Variants in STAG3 observed in about 807,000 individuals in gnomAD.
STAG3 encodes the protein STAG3 cohesin complex component, also known as cohesin subunit SA-3.
A neutral mutation model predicts 160.7 loss-of-function variants in STAG3; 101 were observed. The ratio of observed to expected loss-of-function variants is 0.63; its 90% confidence interval spans 0.54 to 0.74. The LOEUF (loss-of-function observed/expected upper bound fraction) is 0.74, where lower values mean the gene tolerates loss of function less well. Among genes scored for constraint, STAG3 ranks in the 30% least tolerant of loss-of-function variants. STAG3 has a pLI of 0.00. For synonymous variants in STAG3, 519 were observed against 585.0 expected, an observed-to-expected ratio of 0.89 and a Z score of 1.63; for missense variants, 1,188 against 1,517.4, an observed-to-expected ratio of 0.78 and a Z score of 3.61.
At chr7:100,192,722 C>A (rs1260266075) in intron 8 of STAG3, among the ~76,000 whole-genome samples, 1 of 152,176 alleles carries the variant, frequency 6.6e-6, no homozygotes, top group Non-Finnish European at 1.5e-5. Flanking sequence ...TTCCAAGTAT[C>A]TGGTACTACA....
At chr7:100,184,701 C>T (rs1297285312) in intron 4 of STAG3, among the ~76,000 whole-genome samples, 4 of 152,122 alleles carry the variant, frequency 2.6e-5, no homozygotes, top group African/African-American at 7.2e-5. Context: ...CTTTTGACCT[C>T]GTGATCCGCC....
In STAG3 at chr7:100,199,351, G is replaced by C. The variant is rs753652685; in HGVS notation, c.1557G>C (p.Leu519=). The C allele has an allele frequency of 8.1e-6, 13 of 1,613,940 alleles. No homozygotes were observed. The South Asian group carries it at 1.4e-4, about 18-fold the overall frequency. Residue 519 remains leucine, a synonymous_variant, in exon 15 of 34, where the codon CTG becomes CTC. Transcript: ENST00000615138. The part of the protein sequence containing the change: ...LKDWEGLTSL[L]LEKDQNLGDV... ...ACTGGGAGGGTCTGACAAGCCTGCT[G>C]CTGGAGAAGGACCAGAGTACGTGTC...
At chr7:100,184,830 T>C (rs1382304903) in intron 4 of STAG3, among the ~76,000 whole-genome samples, 1 of 152,064 alleles carries the variant, frequency 6.6e-6, no homozygotes, top group African/African-American at 2.4e-5. Flanking sequence ...AACATAGTCA[T>C]TTTATAATCT....
In STAG3 at chr7:100,211,077, T is replaced by TGCCCC; in HGVS notation, c.3305_3306insGCCCC (p.Ile1102MetfsTer14). 4.2e-5 allele frequency: 68 copies of TGCCCC among 1,600,468 alleles called. No individual in the cohort carries two copies. Among genetic ancestry groups the TGCCCC allele is most frequent in the Non-Finnish European group, 5.4e-5 (63 of 1,168,544 alleles). ...GAAGAAAGTCTGCAGCTGAACAGCA[T>TGCCCC]CCCGCCCACGCCCACCCTCACCTCC... On this transcript the variant is annotated frameshift_variant, in exon 30 of 34. Transcript: ENST00000615138. LOFTEE classifies it high-confidence loss of function.
rs1802186875 is a variant in STAG3 at position 100,211,374 on chromosome 7, G to A, written c.3414-61G>A. 3.2e-6 allele frequency: 5 copies of A among 1,569,276 alleles called. No homozygotes were observed. The African/African-American group carries it at 6.8e-5, about 21-fold the overall frequency. ...GCTTTTCTCCCCATTAACACCAGCTGCCTTACATCCTCTTCTTACCCTTGA... is the reference window on the plus strand; with the variant it reads ...GCTTTTCTCCCCATTAACACCAGCTACCTTACATCCTCTTCTTACCCTTGA... On this transcript the variant is annotated intron_variant, in intron 30 of 33. Transcript: ENST00000615138.
chr7:100,205,820 ACT>A (rs201221715), intron 29 of STAG3, among the ~76,000 whole-genome samples: 2,875 of 148,750 alleles, frequency 0.019, 88 homozygotes, highest in African/African-American at 0.064. Flanking sequence ...ACAGAGCGAG[ACT>A]CTGTCTCAAA....
At chr7:100,188,712 CAG>C (rs1800176343) in intron 6 of STAG3, 98 bp from the exon 7 acceptor site, 12 of 1,276,986 alleles carry the variant, frequency 9.4e-6, no homozygotes, top group East Asian at 4.7e-5. Flanking sequence ...TGAGGTATAA[CAG>C]ATATTTTTAC....
intron 8 of STAG3, among the ~76,000 whole-genome samples, chr7:100,193,078 A>C (rs1246899168): frequency 1.3e-5 from 2 of 152,236 alleles, no homozygotes; most frequent in East Asian, 3.8e-4. Context: ...GTACATCTTC[A>C]CCAGAGCTCT....
At chr7:100,216,616 T>G (rs1039506053), downstream of STAG3, among the ~76,000 whole-genome samples, 1 of 152,034 alleles carries the variant, frequency 6.6e-6, no homozygotes, top group Non-Finnish European at 1.5e-5. Context: ...CTGGCCAACA[T>G]GGTGAAACCC....
At chr7:100,213,500 C>T (rs946443065) in intron 32 of STAG3, 27 of 985,216 alleles carry the variant, frequency 2.7e-5, no homozygotes, top group Non-Finnish European at 3.1e-5. Flanking sequence ...AGAAAAAATC[C>T]GTTTTCTGGT....
At position 100,199,696 on chromosome 7, in the gene STAG3, CA is replaced by C. The variant is rs769672494; in HGVS notation, c.1677+54del. 11 of 1,332,886 alleles carry C rather than the reference CA, an allele frequency of 8.3e-6. No individual in the cohort carries two copies. In the South Asian group the frequency reaches 1.4e-4, roughly 17 times the overall value. 82.6% of individuals were successfully genotyped at this position (1,332,886 alleles called of 1,614,324 possible). A position where few individuals can be genotyped will look rare whatever the true frequency, so the allele number is the denominator to read the frequency against. ...GTCAGCAATACTCAGTCTTGACAGG[CA>C]ATGTGCATCCTTATCCCCCAGGCTG... On this transcript the variant is annotated intron_variant, in intron 16 of 33. Coordinates refer to ENST00000615138, the MANE Select transcript of STAG3 (RefSeq NM_001282717.2).
At chr7:100,200,062 TC>T in intron 16 of STAG3, 173 bp from the exon 17 acceptor site, 1 of 491,814 alleles carries the variant, frequency 2.0e-6, no homozygotes, top group Non-Finnish European at 3.5e-6. Context: ...CGAGACTCCG[TC>T]TCAAAAAAAA....
At chr7:100,181,147 C>A (rs541605984) in intron 2 of STAG3, among the ~76,000 whole-genome samples, 1 of 151,996 alleles carries the variant, frequency 6.6e-6, no homozygotes, top group African/African-American at 2.4e-5. Flanking sequence ...TGGCTAGTGT[C>A]CCCTATTTCT....
chr7:100,188,647 T>C, intron 6 of STAG3, 118 bp downstream of exon 6: 1 of 1,125,128 alleles, frequency 8.9e-7, no homozygotes. Flanking sequence ...ATTCAGTCTC[T>C]TGGGGGTAAA....
chr7:100,192,005 C>T lies in STAG3; in HGVS notation c.867+2409C>T, dbSNP rs1226435635. Among the ~76,000 whole-genome samples the T allele has an allele frequency of 2.0e-5, 3 of 152,190 alleles. No homozygotes were observed. In the East Asian group the frequency reaches 5.8e-4, roughly 29 times the overall value. On this transcript the variant is annotated intron_variant, in intron 8 of 33. Transcript: ENST00000615138. The stretch of plus-strand genomic sequence containing the variant: ...ACTTTCCTTGCTCATTCATAAGAAG[C>T]AATTCCTTATTTGTTCAAGGTCATG...
At chr7:100,184,085 G>A (rs1584655427) in intron 4 of STAG3, among the ~76,000 whole-genome samples, 1 of 152,182 alleles carries the variant, frequency 6.6e-6, no homozygotes, top group East Asian at 1.9e-4. Flanking sequence ...GGCCAACATG[G>A]TGAAACCCCA....
intron 26 of STAG3, 152 bp from the exon 27 acceptor site, chr7:100,204,475 T>A: frequency 1.2e-6 from 1 of 863,126 alleles, no homozygotes; most frequent in Non-Finnish European, 1.7e-6. Context: ...GCTGCAGGGG[T>A]ATCGGGAGTT....
intron 29 of STAG3, among the ~76,000 whole-genome samples, chr7:100,206,313 G>A (rs1801649830): frequency 6.6e-6 from 1 of 152,056 alleles, no homozygotes; most frequent in Non-Finnish European, 1.5e-5. Context: ...ACTGTGCCTG[G>A]CTGCCTAAGG....
chr7:100,179,426 T>C (rs1252321880), intron 1 of STAG3, among the ~76,000 whole-genome samples: 1 of 152,126 alleles, frequency 6.6e-6, no homozygotes, highest in Non-Finnish European at 1.5e-5. Flanking sequence ...GGTCTTGCTA[T>C]GTTGCCCAGA....
Sources: gnomAD v4.1 joint callset for allele counts (sites outside exome capture counted in the v4.1 genomes callset) on GRCh38, gnomAD v4.1.1 for gene constraint, MANE v1.5 for transcripts, NCBI Gene and HGNC (gene_info 2026-07-23, HGNC 2026-07-21) for gene names.